Variants in KIF1B observed in about 807,000 individuals in gnomAD.
The protein encoded by KIF1B is kinesin family member 1B.
Under a neutral mutation model 241.9 loss-of-function variants are expected in KIF1B, and 76 were observed. The ratio of observed to expected loss-of-function variants is 0.31; its 90% CI spans 0.26 to 0.38. The LOEUF (loss-of-function observed/expected upper bound fraction) is 0.38. Ranked by LOEUF, KIF1B falls within the 10% of genes least tolerant of loss-of-function variation. KIF1B has a pLI of 1.00. For missense variants in KIF1B, 1,622 were observed against 2,271.4 expected (o/e 0.71, Z 5.81); for synonymous variants, 750 against 796.7 (o/e 0.94, Z 0.99).
At chr1:10,259,651 C>G (rs533697436) in intron 4 of KIF1B, among the ~76,000 whole-genome samples, 267 of 152,128 alleles carry the variant, frequency 1.8e-3, no homozygotes, top group Middle Eastern at 3.4e-3. Context: ...AATAGGCACC[C>G]ACCACTATGC....
chr1:10,258,694 A>C (rs752958954), intron 4 of KIF1B, 22 bp downstream of exon 4: 8 of 1,611,788 alleles, frequency 5.0e-6, no homozygotes, highest in African/African-American at 1.3e-5. Flanking sequence ...AACAAAACAA[A>C]AATCTTCTCT....
intron 44 of KIF1B, among the ~76,000 whole-genome samples, chr1:10,370,641 G>A (rs1569921439): frequency 8.6e-6 from 1 of 116,128 alleles, no homozygotes; most frequent in African/African-American, 4.2e-5. Flanking sequence ...TCTCGAGAAA[G>A]AAAATAATAA....
At chr1:10,295,904 G>A (rs1650240227) in intron 19 of KIF1B, 138 bp downstream of exon 19, 3 of 763,758 alleles carry the variant, frequency 3.9e-6, no homozygotes, top group Non-Finnish European at 6.6e-6. Context: ...GACCTGGGCT[G>A]CTTATGAATG....
Position 10,326,385 on chromosome 1 carries a change from C to T in KIF1B, c.2924+26C>T, listed in dbSNP as rs376664487. On this transcript the variant is annotated intron_variant, in intron 27 of 48. Coordinates refer to ENST00000676179, the MANE Select transcript of KIF1B (RefSeq NM_001365951.3). The surrounding 1 kb of genome is among the most constrained non-coding windows in gnomAD (Gnocchi z 5.2). ...GTTGGTGAGGTTATTGTGAGAAAGG[C>T]GAAAAGGGACCAGCTCTTGCTCTGA... The T allele has an allele frequency of 4.0e-5, 65 of 1,613,640 alleles. No individual in the cohort carries two copies. The highest frequency in any genetic ancestry group is 1.6e-4 in the Middle Eastern group (1 of 6,084).
intron 22 of KIF1B, among the ~76,000 whole-genome samples, chr1:10,317,843 A>AG: frequency 1.3e-5 from 2 of 149,688 alleles, no homozygotes; most frequent in South Asian, 4.2e-4. Context: ...AAAAAAAAAA[A>AG]TTGCCTGACA....
At chr1:10,255,901 G>T (rs565477278) in intron 2 of KIF1B, among the ~76,000 whole-genome samples, 56 of 151,462 alleles carry the variant, frequency 3.7e-4, no homozygotes, top group Admixed American at 3.0e-3. Flanking sequence ...GCCATCCTCC[G>T]ACCTCAGCTT....
chr1:10,369,660 C>T (rs1214068016), intron 44 of KIF1B, among the ~76,000 whole-genome samples: 1 of 151,080 alleles, frequency 6.6e-6, no homozygotes, highest in Non-Finnish European at 1.5e-5. Context: ...GGGCTGGCTG[C>T]GGTGGCTCAT....
chr1:10,308,034 A>C, intron 22 of KIF1B: 2 of 1,058,884 alleles, frequency 1.9e-6, no homozygotes, highest in South Asian at 4.6e-5. Context: ...TGAAAAAAAA[A>C]CAAAACACTG....
intron 22 of KIF1B, chr1:10,308,591 C>A: frequency 9.9e-7 from 1 of 1,015,002 alleles, no homozygotes; most frequent in Non-Finnish European, 1.2e-6. Context: ...TTGAAGTCAT[C>A]TTTTAAGAGT....
intron 17 of KIF1B, 98 bp from the exon 18 acceptor site, chr1:10,294,988 G>T (rs1307466337): frequency 9.8e-6 from 8 of 814,930 alleles, no homozygotes; most frequent in African/African-American, 6.7e-5. Flanking sequence ...TAGGCTCTGT[G>T]GAGAGTTGGA....
At chr1:10,315,474 C>G (rs1651263784) in intron 22 of KIF1B, among the ~76,000 whole-genome samples, 2 of 151,200 alleles carry the variant, frequency 1.3e-5, no homozygotes, top group African/African-American at 4.9e-5. Context: ...CTGCATCCAG[C>G]CAGGAATATT....
chr1:10,333,563 G>A (rs1260912371), intron 27 of KIF1B, among the ~76,000 whole-genome samples: 1 of 151,662 alleles, frequency 6.6e-6, no homozygotes, highest in Non-Finnish European at 1.5e-5. Context: ...ATGGTGGCGG[G>A]CGCCGATAGT....
chr1:10,362,897 C>A (rs1442002272), intron 40 of KIF1B, among the ~76,000 whole-genome samples: 1 of 151,946 alleles, frequency 6.6e-6, no homozygotes, highest in African/African-American at 2.4e-5. Context: ...ATAAGGAGAC[C>A]CTATCTCTAC....
intron 2 of KIF1B, 82 bp downstream of exon 2, chr1:10,232,516 A>G: frequency 7.3e-6 from 7 of 960,418 alleles, no homozygotes; most frequent in Non-Finnish European, 1.2e-5. Flanking sequence ...TTCAGAATAG[A>G]TGAACATCTG....
chr1:10,361,608 T>C, intron 39 of KIF1B, 84 bp from the exon 40 acceptor site: 1 of 1,553,404 alleles, frequency 6.4e-7, no homozygotes, highest in South Asian at 1.1e-5. Context: ...CAACTGGGAC[T>C]CGCTTTCCAA....
At chr1:10,288,297 A>G (rs1649812654) in intron 15 of KIF1B, among the ~76,000 whole-genome samples, 1 of 152,150 alleles carries the variant, frequency 6.6e-6, no homozygotes, top group Non-Finnish European at 1.5e-5. Context: ...TGCTTTATAG[A>G]TAAACTATTG....
intron 41 of KIF1B, 111 bp from the exon 42 acceptor site, chr1:10,364,987 CAG>C: frequency 1.1e-6 from 1 of 916,286 alleles, no homozygotes; most frequent in Non-Finnish European, 1.6e-6. Flanking sequence ...GCCTGGGCAA[CAG>C]AGCGAGACTC....
At chr1:10,375,507 C>A in intron 48 of KIF1B, 134 bp downstream of exon 48, 1 of 752,046 alleles carries the variant, frequency 1.3e-6, no homozygotes, top group East Asian at 2.6e-5. Flanking sequence ...ACTCAGCCTC[C>A]CCAGTAGCTG....
chr1:10,238,135 C>G (rs1435355421), intron 2 of KIF1B, among the ~76,000 whole-genome samples: 5 of 151,964 alleles, frequency 3.3e-5, no homozygotes, highest in East Asian at 3.9e-4. Context: ...AATCCTAGCA[C>G]TTTGGGAGGC....
Sources: allele counts gnomAD v4.1 joint callset (sites outside exome capture counted in the v4.1 genomes callset), GRCh38; gene constraint gnomAD v4.1.1; non-coding constraint Gnocchi (gnomAD v3.1); transcripts MANE v1.5; gene names NCBI Gene and HGNC (gene_info 2026-07-23, HGNC 2026-07-21).